ATXN10: variants seen among roughly 807,000 people sequenced by gnomAD.
ATXN10 encodes the protein ataxin 10, also known as ataxin-10.
Under a neutral mutation model 52.9 loss-of-function variants are expected in ATXN10, and 28 were observed. The ratio of observed to expected loss-of-function variants is 0.53; its 90% CI spans 0.39 to 0.73. ATXN10 has a LOEUF of 0.73. ATXN10 is among the 30% of genes least tolerant of loss of function. ATXN10 has a pLI of 0.00. For synonymous variants in ATXN10, 226 were observed against 221.5 expected (o/e 1.02, Z -0.18); for missense variants, 565 against 577.0 (o/e 0.98, Z 0.21).
chr22:45,814,257 CTT>C (rs989693630), intron 10 of ATXN10, among the ~76,000 whole-genome samples: 1 of 152,214 alleles, frequency 6.6e-6, no homozygotes, highest in Admixed American at 6.5e-5. Context: ...AGGATAAGGA[CTT>C]CTACAAAACA....
intron 10 of ATXN10, among the ~76,000 whole-genome samples, chr22:45,813,759 G>A (rs546353916): frequency 6.6e-6 from 1 of 152,254 alleles, no homozygotes; most frequent in African/African-American, 2.4e-5. Flanking sequence ...CCTATAAAGT[G>A]CCCAGAAATA....
chr22:45,671,889 G>T lies in ATXN10; in HGVS notation c.-175G>T. 3.0e-6 allele frequency: 2 copies of T among 659,154 alleles called. No individual in the cohort carries two copies. The highest frequency in any genetic ancestry group is 6.5e-5 in the East Asian group (2 of 30,806). 40.8% of individuals were successfully genotyped at this position (659,154 alleles called of 1,614,324 possible). ...TGGGCTCAGCCTAGAGCTCTCCGGC[G>T]GCGGCGCAGCTTCAGGGCAGCGCGG... On this transcript the variant is annotated 5_prime_UTR_variant, in exon 1 of 12. Transcript: ENST00000252934.
chr22:45,809,592 C>T (rs1928214625), intron 10 of ATXN10, among the ~76,000 whole-genome samples: 1 of 152,164 alleles, frequency 6.6e-6, no homozygotes, highest in East Asian at 1.9e-4. Context: ...TCCTCCCCTC[C>T]CTCCCTTGTG....
At chr22:45,687,507 G>A (rs749551078) in intron 1 of ATXN10, among the ~76,000 whole-genome samples, 2 of 152,208 alleles carry the variant, frequency 1.3e-5, no homozygotes, top group Admixed American at 1.3e-4. Flanking sequence ...CACATTCTTA[G>A]TCATCTCAGT....
rs1928747052 is a variant in ATXN10, at chr22:45,824,228, C to G, written c.1237+17206C>G. ...TGCAGCTCACAGAGACCTGCACATA[C>G]TGTTCCTCTCACTGGAGTTCTCCCC... On this transcript the variant is annotated intron_variant, in intron 10 of 11. Coordinates refer to ENST00000252934, the MANE Select transcript of ATXN10 (RefSeq NM_013236.4). This position sits in a 1 kb window ranked among gnomAD's most constrained non-coding sequence, Gnocchi z 5.2. 6.6e-6 allele frequency among the ~76,000 whole-genome samples: 1 copy of G among 152,196 alleles called. No individual in the cohort carries two copies. The highest frequency in any genetic ancestry group is 2.4e-5 in the African/African-American group (1 of 41,452).
intron 3 of ATXN10, among the ~76,000 whole-genome samples, chr22:45,697,979 C>T (rs1427492386): frequency 2.0e-5 from 3 of 152,204 alleles, no homozygotes; most frequent in African/African-American, 4.8e-5. Flanking sequence ...TGTATCATTA[C>T]TTCGTTCCTC....
intron 3 of ATXN10, among the ~76,000 whole-genome samples, chr22:45,694,569 G>A (rs1237171343): frequency 2.0e-5 from 3 of 151,574 alleles, no homozygotes; most frequent in Non-Finnish European, 4.4e-5. Flanking sequence ...ATCATTTGAG[G>A]TCAGGAGTTC....
rs1924299525 is a variant in ATXN10 at position 45,712,769 on chromosome 22, T to C, written c.648-5644T>C. 6.6e-6 allele frequency among the ~76,000 whole-genome samples: 1 copy of C among 152,232 alleles called. No individual in the cohort carries two copies. Among genetic ancestry groups the C allele is most frequent in the Non-Finnish European group, 1.5e-5 (1 of 68,038 alleles). ...TCAGTGGACTGTTATTTTTCTAGTT[T>C]AATGCTACTCACGTTTAACCCGTTG... On this transcript the variant is annotated intron_variant, in intron 5 of 11. Coordinates refer to ENST00000252934, the MANE Select transcript of ATXN10 (RefSeq NM_013236.4). This position sits in a 1 kb window ranked among gnomAD's most constrained non-coding sequence, Gnocchi z 4.6.
In ATXN10 at chr22:45,828,984, T is replaced by C. The variant is rs372421179; in HGVS notation, c.1238-14007T>C. 7.2e-5 allele frequency among the ~76,000 whole-genome samples: 11 copies of C among 152,282 alleles called. No individual in the cohort carries two copies. The South Asian group carries it at 1.9e-3, about 26-fold the overall frequency. Reference sequence around the variant, plus strand: ...GAAAACTAAAGACCAACATCCTTTATGAACATGAATTTAACAGCATACTAA... The same window carrying C: ...GAAAACTAAAGACCAACATCCTTTACGAACATGAATTTAACAGCATACTAA... On this transcript the variant is annotated intron_variant, in intron 10 of 11. Transcript: ENST00000252934. This position sits in a 1 kb window ranked among gnomAD's most constrained non-coding sequence, Gnocchi z 4.5.
chr22:45,704,459 A>G (rs191500807), intron 5 of ATXN10, among the ~76,000 whole-genome samples: 26 of 152,046 alleles, frequency 1.7e-4, no homozygotes, highest in African/African-American at 5.5e-4. Flanking sequence ...AATTTTCGTC[A>G]GTTATGTTTT....
chr22:45,740,257 G>A, intron 8 of ATXN10, 112 bp from the exon 9 acceptor site: 1 of 1,015,268 alleles, frequency 9.8e-7, no homozygotes, highest in Non-Finnish European at 1.5e-6. Context: ...AGCTTTCTGT[G>A]CTCTACCTTT....
chr22:45,700,387 A>G lies in ATXN10; in HGVS notation c.488+9A>G. 7.6e-6 allele frequency: 12 copies of G among 1,588,120 alleles called. No individual in the cohort carries two copies. The highest frequency in any genetic ancestry group is 9.5e-6 in the Non-Finnish European group (11 of 1,156,494). On this transcript the variant is annotated intron_variant, in intron 4 of 11. Transcript: ENST00000252934. ...TTCCCAGAACTGTTTTTGTGAGTATATTGATAAGCATTTTTCTAACTTGTG... is the reference window on the plus strand; with the variant it reads ...TTCCCAGAACTGTTTTTGTGAGTATGTTGATAAGCATTTTTCTAACTTGTG...
Position 45,700,452 on chromosome 22 carries a change from C to G in ATXN10, c.488+74C>G, listed in dbSNP as rs41310260. On this transcript the variant is annotated intron_variant, in intron 4 of 11. Coordinates refer to ENST00000252934, the MANE Select transcript of ATXN10 (RefSeq NM_013236.4). ...ATATTTTTCCATTTTATATAAAGTT[C>G]GAAAACAGGAAAAAGTAACCCACTG... The G allele has an allele frequency of 7.8e-4, 969 of 1,249,844 alleles. 2 individuals carry two copies. The highest frequency in any genetic ancestry group is 1.0e-3 in the Non-Finnish European group (892 of 861,066). The allele number at this position is 1,249,844 out of a possible 1,614,324, so 77.4% of individuals were successfully genotyped here.
In ATXN10 at chr22:45,841,864, A is replaced by G. The variant is rs1256342436; in HGVS notation, c.1238-1127A>G. 1.3e-5 allele frequency among the ~76,000 whole-genome samples: 2 copies of G among 152,210 alleles called. No individual in the cohort carries two copies. The highest frequency in any genetic ancestry group is 2.9e-5 in the Non-Finnish European group (2 of 68,024). On this transcript the variant is annotated intron_variant, in intron 10 of 11. Transcript: ENST00000252934. The surrounding 1 kb of genome is among the most constrained non-coding windows in gnomAD (Gnocchi z 5.1). The stretch of plus-strand genomic sequence containing the variant: ...TCCACAGCGTTGCACAGGGGTGTTC[A>G]GGACAAGATCAGAAGACTTGGCTCT...
At chr22:45,723,133 G>A (rs1052250998) in intron 6 of ATXN10, among the ~76,000 whole-genome samples, 10 of 151,814 alleles carry the variant, frequency 6.6e-5, no homozygotes, top group Non-Finnish European at 1.5e-4. Flanking sequence ...TCATATGTGT[G>A]TGTGTGTTTA....
At chr22:45,761,765 G>T (rs1333435733) in intron 9 of ATXN10, among the ~76,000 whole-genome samples, 10 of 152,104 alleles carry the variant, frequency 6.6e-5, no homozygotes, top group Admixed American at 6.5e-4. Flanking sequence ...TCAAAAGTTG[G>T]TTACTTTTCT....
At chr22:45,717,838 A>G (rs781024702) in intron 5 of ATXN10, among the ~76,000 whole-genome samples, 1 of 152,150 alleles carries the variant, frequency 6.6e-6, no homozygotes, top group Non-Finnish European at 1.5e-5. Flanking sequence ...ATAGTGTTGA[A>G]TCTTTTTAGT....
chr22:45,831,766 A>G (rs771749097), intron 10 of ATXN10, among the ~76,000 whole-genome samples: 4 of 152,156 alleles, frequency 2.6e-5, no homozygotes, highest in Non-Finnish European at 5.9e-5. Context: ...TTTCTGTACT[A>G]TCGTTTGACA....
At position 45,825,695 on chromosome 22, in the gene ATXN10, C is replaced by G. The variant is rs1336126879; in HGVS notation, c.1238-17296C>G. Among the ~76,000 whole-genome samples, 1 of 152,092 alleles carries G rather than the reference C, an allele frequency of 6.6e-6. No individual in the cohort carries two copies. On this transcript the variant is annotated intron_variant, in intron 10 of 11. Coordinates refer to ENST00000252934, the MANE Select transcript of ATXN10 (RefSeq NM_013236.4). This position sits in a 1 kb window ranked among gnomAD's most constrained non-coding sequence, Gnocchi z 4.5. Reference sequence around the variant, plus strand: ...GGGAAAAAATGAAACAAACAGAAACCATTCTTGGATTCATCTACTATATTT... The same window carrying G: ...GGGAAAAAATGAAACAAACAGAAACGATTCTTGGATTCATCTACTATATTT...
Sources: gnomAD v4.1 joint callset for allele counts (sites outside exome capture counted in the v4.1 genomes callset) on GRCh38, gnomAD v4.1.1 for gene constraint, Gnocchi (gnomAD v3.1) non-coding constraint, MANE v1.5 for transcripts, NCBI Gene and HGNC (gene_info 2026-07-23, HGNC 2026-07-21) for gene names.